EVL: variants seen among roughly 807,000 people sequenced by gnomAD.
The protein encoded by EVL is ena/VASP-like protein.
A neutral mutation model predicts 59.6 loss-of-function variants in EVL; 21 were observed. The observed-to-expected ratio is 0.35, with a 90% CI of 0.25 to 0.51. The LOEUF is 0.51. Ranked by LOEUF, EVL falls within the 20% of genes least tolerant of loss-of-function variation. The pLI, the probability that EVL is intolerant of heterozygous loss-of-function variation, is 0.97. For synonymous variants in EVL, 198 were observed against 203.5 expected, an observed-to-expected ratio of 0.97 and a Z score of 0.23; for missense variants, 462 against 546.6, an observed-to-expected ratio of 0.85 and a Z score of 1.54.
At chr14:100,026,115 G>T (rs1400987904) in intron 1 of EVL, among the ~76,000 whole-genome samples, 1 of 151,908 alleles carries the variant, frequency 6.6e-6, no homozygotes, top group Non-Finnish European at 1.5e-5. Context: ...GCCGGGCATG[G>T]TGACACATGC....
intron 8 of EVL, chr14:100,134,604 CA>C (rs1384793844): frequency 7.9e-5 from 12 of 152,270 alleles, no homozygotes. Flanking sequence ...TGATGGCCGG[CA>C]CTCGTTTTCT....
chr14:100,098,618 A>G (rs1239544341), intron 3 of EVL, among the ~76,000 whole-genome samples: 1 of 152,240 alleles, frequency 6.6e-6, no homozygotes, highest in African/African-American at 2.4e-5. Flanking sequence ...GGACATTTGC[A>G]GTGGTAGCTT....
chr14:100,098,848 T>C (rs539636069), intron 3 of EVL, among the ~76,000 whole-genome samples: 2 of 152,322 alleles, frequency 1.3e-5, no homozygotes, highest in South Asian at 2.1e-4. Flanking sequence ...ACCTATAAAA[T>C]CGGGGGATAT....
At chr14:100,066,868 T>G (rs1327377515) in intron 1 of EVL, among the ~76,000 whole-genome samples, 1 of 152,218 alleles carries the variant, frequency 6.6e-6, no homozygotes, top group Non-Finnish European at 1.5e-5. Context: ...TTGGGCACCT[T>G]ATTCTCCACT....
intron 1 of EVL, among the ~76,000 whole-genome samples, chr14:100,007,419 C>G (rs1445391053): frequency 6.6e-6 from 1 of 152,176 alleles, no homozygotes; most frequent in Non-Finnish European, 1.5e-5. Context: ...CCCAGTTTGA[C>G]TTCCCCTTTA....
intron 1 of EVL, among the ~76,000 whole-genome samples, chr14:100,000,857 ATTT>A (rs1224725035): frequency 6.6e-6 from 1 of 152,002 alleles, no homozygotes; most frequent in Non-Finnish European, 1.5e-5. Context: ...TGGAGAAAGC[ATTT>A]TTGGAGAAAG....
At position 100,114,428 on chromosome 14, in the gene EVL, C is replaced by T. The variant is rs1887200150; in HGVS notation, c.359-9111C>T. 1 of 152,390 alleles carries T rather than the reference C, an allele frequency of 6.6e-6. No individual in the cohort carries two copies. The highest frequency in any genetic ancestry group is 2.4e-5 in the African/African-American group (1 of 41,424). The allele number at this position is 152,390 out of a possible 1,614,324, so 9.4% of individuals were successfully genotyped here. On this transcript the variant is annotated intron_variant, in intron 3 of 13. Coordinates refer to ENST00000392920, the MANE Select transcript of EVL (RefSeq NM_016337.3). This position sits in a 1 kb window ranked among gnomAD's most constrained non-coding sequence, Gnocchi z 5.0. ...GAGCCCCACAAGGGGTCTGGACAGT[C>T]CTCCAGGGCCAGGGCCCTGGGAGCT...
intron 3 of EVL, among the ~76,000 whole-genome samples, chr14:100,105,045 T>TC (rs1886477169): frequency 6.6e-6 from 1 of 151,216 alleles, no homozygotes; most frequent in Admixed American, 6.6e-5. Flanking sequence ...CATGCCAACA[T>TC]CCAGGGCCAC....
At position 100,065,505 on chromosome 14, in the gene EVL, C is replaced by A; in HGVS notation, c.5C>A (p.Ala2Asp). 6.6e-7 allele frequency: 1 copy of A among 1,522,036 alleles called. No individual in the cohort carries two copies. The highest frequency in any genetic ancestry group is 8.9e-7 in the Non-Finnish European group (1 of 1,124,124). The allele number at this position is 1,522,036 out of a possible 1,614,324, so 94.3% of individuals were successfully genotyped here. Residue 2 changes from alanine to aspartate, a missense_variant, in exon 1 of 14, where the codon GCC (alanine) becomes GAC (aspartate). By Grantham distance (126) the Ala-to-Asp change is moderately radical (BLOSUM62 -2). Coordinates refer to ENST00000392920, the MANE Select transcript of EVL (RefSeq NM_016337.3). Reference protein sequence around the residue: MATSEQSICQAR... With the variant: MDTSEQSICQAR... ...CTGTGCTGCCACTTTTCAGCCATGG[C>A]CACAAGGTGAGTATTGGAACCAGTG...
chr14:100,051,929 C>T (rs2061654001), intron 1 of EVL, among the ~76,000 whole-genome samples: 1 of 152,226 alleles, frequency 6.6e-6, no homozygotes, highest in South Asian at 2.1e-4. Context: ...ACCCCTTCCA[C>T]ATTTTACGAT....
rs759593838 is a variant in EVL at position 100,135,915 on chromosome 14, G to A, written c.911G>A (p.Ser304Asn). 46 of 1,613,810 alleles carry A rather than the reference G, an allele frequency of 2.9e-5. 1 individual carries two copies. Among genetic ancestry groups the A allele is most frequent in the Non-Finnish European group, 2.3e-5 (27 of 1,180,010 alleles). Reference protein sequence around the residue: ...KEDESQMEDPSTSPSPGTRAA... With the variant: ...KEDESQMEDPNTSPSPGTRAA... ...TCTTCTCCATTTTAGGAAGATCCTA[G>A]TACCTCCCCCTCTCCGGGGACCCGA... The change falls in exon 9 of 14, where the codon AGT becomes AAT. Residue 304 changes from serine (S) to asparagine (N), a missense_variant. Physicochemically the swap from Ser to Asn is conservative, Grantham distance 46 (BLOSUM62 1). Coordinates refer to ENST00000392920, the MANE Select transcript of EVL (RefSeq NM_016337.3).
chr14:99,993,396 A>G (rs2060888654), intron 1 of EVL, among the ~76,000 whole-genome samples: 1 of 151,736 alleles, frequency 6.6e-6, no homozygotes. Flanking sequence ...TCAGTTTGTT[A>G]GTATTTTGTT....
intron 3 of EVL, among the ~76,000 whole-genome samples, chr14:100,121,583 A>G (rs1292541381): frequency 6.6e-6 from 1 of 152,132 alleles, no homozygotes; most frequent in Non-Finnish European, 1.5e-5. Context: ...ACTCCAGCCA[A>G]TTTTTAATCA....
chr14:100,132,843 T>G, intron 8 of EVL, 64 bp downstream of exon 8: 1 of 1,579,858 alleles, frequency 6.3e-7, no homozygotes, highest in East Asian at 2.2e-5. Flanking sequence ...CCAGGGAGGC[T>G]CTCTGGTCTC....
At position 100,082,589 on chromosome 14, in the gene EVL, C is replaced by T. The variant is rs573886562; in HGVS notation, c.12-2098C>T. 6.7e-4 allele frequency among the ~76,000 whole-genome samples: 102 copies of T among 152,350 alleles called. 1 individual carries two copies. Among genetic ancestry groups the T allele is most frequent in the Non-Finnish European group, 1.1e-3 (74 of 68,032 alleles). On this transcript the variant is annotated intron_variant, in intron 1 of 13. Coordinates refer to ENST00000392920, the MANE Select transcript of EVL (RefSeq NM_016337.3). ...GAGAGTAGTAAGTTAAGTTTCCCATCACCCAAAGCTCAGTGTGGACTTGTG... is the reference window on the plus strand; with the variant it reads ...GAGAGTAGTAAGTTAAGTTTCCCATTACCCAAAGCTCAGTGTGGACTTGTG...
At position 100,038,882 on chromosome 14, in the gene EVL, T is replaced by C. The variant is rs72711911; in HGVS notation, c.6-45805T>C. ...ATACAGTTTGGGTTATTGGTTACTT[T>C]TCCAACTTTTTTAGTTCTCTTGAAT... On this transcript the variant is annotated intron_variant, in intron 1 of 13. Transcript: ENST00000402714. Among the ~76,000 whole-genome samples, 1,455 of 152,154 alleles carry C rather than the reference T, an allele frequency of 9.6e-3. 12 individuals are homozygous for C. Among genetic ancestry groups the C allele is most frequent in the Non-Finnish European group, 0.016 (1,085 of 67,998 alleles).
At chr14:100,110,202 T>C (rs1364898940) in intron 3 of EVL, among the ~76,000 whole-genome samples, 1 of 152,112 alleles carries the variant, frequency 6.6e-6, no homozygotes, top group Non-Finnish European at 1.5e-5. Flanking sequence ...GCAAGACCCT[T>C]GTCTCTACAA....
At chr14:100,085,630 G>A (rs1567008247) in intron 2 of EVL, among the ~76,000 whole-genome samples, 1 of 152,228 alleles carries the variant, frequency 6.6e-6, no homozygotes, top group Non-Finnish European at 1.5e-5. Flanking sequence ...GCCTTTGTGG[G>A]TCAAGCTTCA....
chr14:100,001,016 A>G (rs1031899036), intron 1 of EVL, among the ~76,000 whole-genome samples: 1 of 152,104 alleles, frequency 6.6e-6, no homozygotes, highest in African/African-American at 2.4e-5. Flanking sequence ...GCAGGTTGAG[A>G]AGTCTCATGT....
Sources: gnomAD v4.1 joint callset for allele counts (sites outside exome capture counted in the v4.1 genomes callset) on GRCh38, gnomAD v4.1.1 for gene constraint, Gnocchi (gnomAD v3.1) non-coding constraint, MANE v1.5 for transcripts, NCBI Gene and HGNC (gene_info 2026-07-23, HGNC 2026-07-21) for gene names.